The following ARHGAP18 variants were observed in gnomAD, a reference collection of about 807,000 sequenced individuals.
The protein encoded by ARHGAP18 is Rho GTPase activating protein 18.
A neutral mutation model predicts 86.2 loss-of-function variants in ARHGAP18; 67 were observed. The ratio of observed to expected loss-of-function variants is 0.78; its 90% CI spans 0.64 to 0.95. ARHGAP18 has a LOEUF of 0.95. Ranked by LOEUF, ARHGAP18 falls within the 40% of genes least tolerant of loss-of-function variation. The pLI is 0.00. For missense variants in ARHGAP18, 691 were observed against 780.4 expected (o/e 0.89, Z 1.37); for synonymous variants, 283 against 280.4 (o/e 1.01, Z -0.09).
In ARHGAP18 at chr6:129,626,753, T is replaced by G. The variant is rs545466810; in HGVS notation, c.786+2600A>C. On this transcript the variant is annotated intron_variant, in intron 5 of 14. Coordinates refer to ENST00000368149, the MANE Select transcript of ARHGAP18 (RefSeq NM_033515.3). ...TTTAAACCATTTCTAGTAATCATAT[T>G]GTTGATGGTAGTATTAGCATATTCT... 1.3e-4 allele frequency among the ~76,000 whole-genome samples: 20 copies of G among 152,048 alleles called. No individual in the cohort carries two copies. The South Asian group carries it at 3.1e-3, about 24-fold the overall frequency.
intron 5 of ARHGAP18, among the ~76,000 whole-genome samples, chr6:129,627,896 G>A (rs536027369): frequency 1.4e-4 from 21 of 152,184 alleles, no homozygotes; most frequent in Middle Eastern, 6.8e-3. Context: ...TATATGGTTA[G>A]GAGTTTTAAA....
intron 12 of ARHGAP18, among the ~76,000 whole-genome samples, chr6:129,587,055 A>G (rs1788408641): frequency 1.3e-5 from 2 of 152,158 alleles, no homozygotes; most frequent in Admixed American, 6.5e-5. Context: ...GCCACCCATC[A>G]ATGTTTATTG....
chr6:129,614,748 ATT>A (rs10556070), intron 7 of ARHGAP18, among the ~76,000 whole-genome samples: 12,408 of 131,522 alleles, frequency 0.094, 1,517 homozygotes, highest in African/African-American at 0.29. Flanking sequence ...GCAGTGACAG[ATT>A]TTTTTTTTTT....
chr6:129,587,809 A>G (rs1045450070), intron 12 of ARHGAP18, among the ~76,000 whole-genome samples: 2 of 152,202 alleles, frequency 1.3e-5, no homozygotes, highest in Non-Finnish European at 2.9e-5. Context: ...AAACCATATC[A>G]TTCCATCCCC....
intron 1 of ARHGAP18, among the ~76,000 whole-genome samples, chr6:129,673,508 TGC>T (rs1774176553): frequency 6.6e-6 from 1 of 152,250 alleles, no homozygotes. Flanking sequence ...TTTCTAAGTG[TGC>T]CTGCATGCCT....
chr6:129,613,918 AT>A (rs1789036472), intron 7 of ARHGAP18, among the ~76,000 whole-genome samples: 1 of 152,124 alleles, frequency 6.6e-6, no homozygotes, highest in Admixed American at 6.6e-5. Context: ...TTACATACTT[AT>A]GTGAATTGAA....
intron 1 of ARHGAP18, among the ~76,000 whole-genome samples, chr6:129,707,133 T>C (rs920257811): frequency 4.0e-5 from 6 of 151,600 alleles, no homozygotes; most frequent in Non-Finnish European, 5.9e-5. Context: ...CTATAGAGGC[T>C]GAGGCAGGAG....
intron 5 of ARHGAP18, among the ~76,000 whole-genome samples, chr6:129,622,860 G>C (rs1222839503): frequency 6.6e-6 from 1 of 151,854 alleles, no homozygotes; most frequent in Non-Finnish European, 1.5e-5. Flanking sequence ...AACTAGCCGG[G>C]CGTGGTGGCA....
chr6:129,635,680 G>A (rs1466551260), intron 3 of ARHGAP18, among the ~76,000 whole-genome samples: 1 of 152,202 alleles, frequency 6.6e-6, no homozygotes, highest in Non-Finnish European at 1.5e-5. Flanking sequence ...TGGAAGAGCT[G>A]AATATACACT....
chr6:129,710,126 A>T lies in ARHGAP18; in HGVS notation c.11T>A (p.Leu4His). The T allele has an allele frequency of 6.2e-7, 1 of 1,613,224 alleles. No individual in the cohort carries two copies. The highest frequency in any genetic ancestry group is 2.2e-5 in the East Asian group (1 of 44,880). ...TAGTACCACTCCCTGGGAACTGGAG[A>T]GCCAGCTCATGGTGAGAGAAGGGAC... MSW[L>H]SSSQGVVLTA... Residue 4 changes from leucine to histidine, a missense_variant, in exon 1 of 15, where the codon CTC (leucine) becomes CAC (histidine). Leu to His is a moderately conservative substitution (Grantham distance 99, BLOSUM62 -3). Coordinates refer to ENST00000368149, the MANE Select transcript of ARHGAP18 (RefSeq NM_033515.3).
intron 1 of ARHGAP18, among the ~76,000 whole-genome samples, chr6:129,642,702 A>G (rs186049251): frequency 6.6e-6 from 1 of 152,328 alleles, no homozygotes; most frequent in East Asian, 1.9e-4. Flanking sequence ...TGTGTTTATC[A>G]TTTATATTCA....
At chr6:129,666,181 T>C (rs993624107) in intron 1 of ARHGAP18, among the ~76,000 whole-genome samples, 1 of 152,138 alleles carries the variant, frequency 6.6e-6, no homozygotes, top group Non-Finnish European at 1.5e-5. Context: ...CAGCAGATGA[T>C]GATGCTCACA....
At chr6:129,655,558 T>C (rs997644373) in intron 1 of ARHGAP18, among the ~76,000 whole-genome samples, 4 of 151,976 alleles carry the variant, frequency 2.6e-5, no homozygotes, top group African/African-American at 7.2e-5. Flanking sequence ...GGTTGTCAGA[T>C]ACTCTAAGGT....
chr6:129,580,568 G>A (rs1041059848), intron 13 of ARHGAP18, among the ~76,000 whole-genome samples: 1 of 152,184 alleles, frequency 6.6e-6, no homozygotes, highest in Admixed American at 6.5e-5. Context: ...AACTCCAGTA[G>A]TGTGCAAGAT....
At position 129,602,987 on chromosome 6, in the gene ARHGAP18, T is replaced by TTATATATATATATATA. The variant is rs34563210; in HGVS notation, c.1366-2155_1366-2140dup. Among the ~76,000 whole-genome samples, 98 of 146,822 alleles carry TTATATATATATATATA rather than the reference T, an allele frequency of 6.7e-4. 1 individual carries two copies. The highest frequency in any genetic ancestry group is 2.4e-3 in the South Asian group (11 of 4,592). ...TATCTGAACCTTCAGAATTTCCCCT[T>TTATATATATATATATA]TATATATATATATATATAATTTCAA... is the stretch of plus-strand genomic sequence containing the variant. On this transcript the variant is annotated intron_variant, in intron 10 of 14. Transcript: ENST00000368149.
chr6:129,686,823 T>C (rs1295691688), intron 1 of ARHGAP18, among the ~76,000 whole-genome samples: 19 of 141,010 alleles, frequency 1.3e-4, no homozygotes, highest in African/African-American at 4.9e-4. Flanking sequence ...GGAGTCTCGC[T>C]CTCGTGGCCC....
In ARHGAP18 at chr6:129,602,777, T is replaced by C. The variant is rs956248779; in HGVS notation, c.1366-1929A>G. 9.9e-5 allele frequency among the ~76,000 whole-genome samples: 15 copies of C among 152,252 alleles called. No individual in the cohort carries two copies. In the East Asian group the frequency reaches 2.3e-3, roughly 23 times the overall value. On this transcript the variant is annotated intron_variant, in intron 10 of 14. Coordinates refer to ENST00000368149, the MANE Select transcript of ARHGAP18 (RefSeq NM_033515.3). ...ACCAGAATAATTGTTCAGGGACCAG[T>C]GTATCTCTTTCTTTATGAGCATAAA...
At chr6:129,665,292 C>A (rs1432899445) in intron 1 of ARHGAP18, among the ~76,000 whole-genome samples, 1 of 152,204 alleles carries the variant, frequency 6.6e-6, no homozygotes, top group Non-Finnish European at 1.5e-5. Context: ...CGCCTGTAAT[C>A]CCAGCACTTT....
intron 5 of ARHGAP18, among the ~76,000 whole-genome samples, chr6:129,626,423 A>G (rs1789473616): frequency 6.6e-6 from 1 of 152,124 alleles, no homozygotes; most frequent in East Asian, 1.9e-4. Flanking sequence ...TAAAAGCTAG[A>G]TTTTTAATAC....
Sources: gnomAD v4.1 joint callset for allele counts (sites outside exome capture counted in the v4.1 genomes callset) on GRCh38, gnomAD v4.1.1 for gene constraint, MANE v1.5 for transcripts, NCBI Gene and HGNC (gene_info 2026-07-23, HGNC 2026-07-21) for gene names.